The following PKIA variants were observed in gnomAD, a reference collection of about 807,000 sequenced individuals.
The protein encoded by PKIA is PKI-alpha.
Under a neutral mutation model 7.6 loss-of-function variants are expected in PKIA, and 4 were observed. The observed-to-expected ratio is 0.52, with a 90% CI of 0.26 to 1.20. The LOEUF (loss-of-function observed/expected upper bound fraction) is 1.20, where lower values mean the gene tolerates loss of function less well. PKIA is among the 50% of genes most tolerant of loss of function. The probability of loss-of-function intolerance (pLI) is 0.13; values close to 1 mark genes in which losing one functional copy is unlikely to be tolerated. For synonymous variants in PKIA, 21 were observed against 30.7 expected, an observed-to-expected ratio of 0.68 and a Z score of 1.04; for missense variants, 73 against 86.2, an observed-to-expected ratio of 0.85 and a Z score of 0.61.
intron 2 of PKIA, among the ~76,000 whole-genome samples, chr8:78,581,506 G>T (rs1359016510): frequency 1.3e-5 from 2 of 152,016 alleles, no homozygotes. Flanking sequence ...ATCCCAATAA[G>T]GGTACAAATT....
At chr8:78,552,279 C>T (rs963318776) in intron 1 of PKIA, among the ~76,000 whole-genome samples, 1 of 145,118 alleles carries the variant, frequency 6.9e-6, no homozygotes, top group Admixed American at 6.9e-5. Context: ...ATTTTTCTAA[C>T]AATTCTTTGA....
intron 2 of PKIA, among the ~76,000 whole-genome samples, chr8:78,583,459 G>C (rs1025762171): frequency 6.6e-6 from 1 of 151,944 alleles, no homozygotes; most frequent in African/African-American, 2.4e-5. Flanking sequence ...CATCCCTCTT[G>C]CTTTTGTGAG....
chr8:78,601,840 G>C lies in PKIA; in HGVS notation c.*19G>C. The C allele has an allele frequency of 6.4e-7, 1 of 1,560,866 alleles. No individual in the cohort carries two copies. Among genetic ancestry groups the C allele is most frequent in the East Asian group, 2.2e-5 (1 of 44,578 alleles). ...AAGCTAACACCCCACTTTGACCCTC[G>C]ACCACACCTGAAAATGTCTCAAATC... On this transcript the variant is annotated 3_prime_UTR_variant, in exon 4 of 4. Coordinates refer to ENST00000396418, the MANE Select transcript of PKIA (RefSeq NM_006823.4).
At chr8:78,546,024 T>C (rs577222089) in intron 1 of PKIA, among the ~76,000 whole-genome samples, 1 of 152,326 alleles carries the variant, frequency 6.6e-6, no homozygotes, top group Admixed American at 6.5e-5. Flanking sequence ...CCAGGTTTGC[T>C]AGAGTTTACA....
At chr8:78,526,016 A>C (rs1243752603) in intron 1 of PKIA, among the ~76,000 whole-genome samples, 1 of 152,074 alleles carries the variant, frequency 6.6e-6, no homozygotes, top group Non-Finnish European at 1.5e-5. Context: ...GAACTCAGTG[A>C]AGTGTCTGAA....
At chr8:78,584,162 A>AGT (rs150010304) in intron 2 of PKIA, among the ~76,000 whole-genome samples, 4,315 of 151,034 alleles carry the variant, frequency 0.029, 65 homozygotes, top group Middle Eastern at 0.041. Flanking sequence ...AGTACTGGGA[A>AGT]GTGTGTGTGT....
chr8:78,516,840 A>C (rs1395431971), intron 1 of PKIA, among the ~76,000 whole-genome samples: 1 of 152,188 alleles, frequency 6.6e-6, no homozygotes, highest in Non-Finnish European at 1.5e-5. Context: ...GGTCCCTGGC[A>C]GCAGCCTGAG....
In PKIA at chr8:78,598,544, T is replaced by C. The variant is rs753393807; in HGVS notation, c.151+9T>C. 1.7e-5 allele frequency: 27 copies of C among 1,600,874 alleles called. No homozygotes were observed. The highest frequency in any genetic ancestry group is 1.5e-5 in the Non-Finnish European group (17 of 1,170,922). ...TGATATCAACAAGACAGGTAAGTCA[T>C]CTGGCACACATTTCTCTATGAGCAT... is the stretch of plus-strand genomic sequence containing the variant. On this transcript the variant is annotated intron_variant, in intron 3 of 3. Transcript: ENST00000396418.
chr8:78,557,898 G>A (rs954629859), intron 1 of PKIA, among the ~76,000 whole-genome samples: 2 of 152,064 alleles, frequency 1.3e-5, no homozygotes, highest in Non-Finnish European at 2.9e-5. Flanking sequence ...TGATTTGTTT[G>A]TACCAACTAT....
chr8:78,532,129 G>A (rs1417657454), intron 1 of PKIA, among the ~76,000 whole-genome samples: 2 of 151,932 alleles, frequency 1.3e-5, no homozygotes, highest in Non-Finnish European at 2.9e-5. Flanking sequence ...CATCACCCAG[G>A]TATTAAGCCT....
At chr8:78,582,775 T>G (rs1294532783) in intron 2 of PKIA, among the ~76,000 whole-genome samples, 2 of 152,058 alleles carry the variant, frequency 1.3e-5, no homozygotes, top group African/African-American at 4.8e-5. Context: ...CATAAGGAAC[T>G]TTCACACTCG....
intron 3 of PKIA, among the ~76,000 whole-genome samples, chr8:78,600,231 A>G (rs896895697): frequency 6.6e-6 from 1 of 152,026 alleles, no homozygotes; most frequent in Non-Finnish European, 1.5e-5. Context: ...TGAAGATCTA[A>G]AATAGAAAAA....
At chr8:78,556,517 C>T (rs1301312554) in intron 1 of PKIA, 5 of 152,050 alleles carry the variant, frequency 3.3e-5, no homozygotes, top group African/African-American at 1.2e-4. Flanking sequence ...AGCAAGTCAG[C>T]TCCTCGATTT....
intron 1 of PKIA, among the ~76,000 whole-genome samples, chr8:78,555,278 G>A (rs1294656874): frequency 2.0e-5 from 3 of 151,838 alleles, no homozygotes; most frequent in Non-Finnish European, 4.4e-5. Context: ...TACAGTAACT[G>A]TATGCCCTGA....
rs1006367357 is a variant in PKIA at position 78,567,368 on chromosome 8, G to T, written c.-156-5443G>T. On this transcript the variant is annotated intron_variant, in intron 1 of 3. Transcript: ENST00000396418. The stretch of plus-strand genomic sequence containing the variant: ...GTTTTCTTAGGATCCCCTTAGTTGT[G>T]ACAATTTCTCATACTTTCCTTATTT... Among the ~76,000 whole-genome samples, 19 of 151,956 alleles carry T rather than the reference G, an allele frequency of 1.3e-4. 1 individual carries two copies. The highest frequency in any genetic ancestry group is 3.6e-4 in the African/African-American group (15 of 41,374).
chr8:78,516,848 G>A (rs970700580), intron 1 of PKIA, among the ~76,000 whole-genome samples: 1 of 152,188 alleles, frequency 6.6e-6, no homozygotes, highest in Non-Finnish European at 1.5e-5. Flanking sequence ...GCAGCAGCCT[G>A]AGGTAATCAG....
intron 2 of PKIA, among the ~76,000 whole-genome samples, chr8:78,577,200 C>T (rs1050855113): frequency 6.6e-6 from 1 of 151,896 alleles, no homozygotes; most frequent in African/African-American, 2.4e-5. Flanking sequence ...TGGTGTGCTG[C>T]ACCCATTAAC....
intron 1 of PKIA, among the ~76,000 whole-genome samples, chr8:78,518,525 A>G (rs963047203): frequency 2.6e-5 from 4 of 152,336 alleles, no homozygotes; most frequent in African/African-American, 7.2e-5. Flanking sequence ...AGGTATATGA[A>G]ATACAGATTA....
In PKIA at chr8:78,566,526, C is replaced by A. The variant is rs990584534; in HGVS notation, c.-156-6285C>A. ...GGGATCTGTAAAAGTAATACAAATGCCAGTATCATTGGCAACCACGAGTGC... is the reference window on the plus strand; with the variant it reads ...GGGATCTGTAAAAGTAATACAAATGACAGTATCATTGGCAACCACGAGTGC... On this transcript the variant is annotated intron_variant, in intron 1 of 3. Transcript: ENST00000396418. 7.9e-5 allele frequency among the ~76,000 whole-genome samples: 12 copies of A among 152,040 alleles called. No individual in the cohort carries two copies. In the Middle Eastern group the frequency reaches 0.01, roughly 129 times the overall value.
Sources: allele counts gnomAD v4.1 joint callset (sites outside exome capture counted in the v4.1 genomes callset), GRCh38; gene constraint gnomAD v4.1.1; transcripts MANE v1.5; gene names NCBI Gene and HGNC (gene_info 2026-07-23, HGNC 2026-07-21).